The following GPC6 variants were observed in gnomAD, a reference collection of about 807,000 sequenced individuals.
GPC6 encodes glypican 6, also known as glypican-6.
In GPC6, 14 loss-of-function variants were observed where a neutral mutation model predicts 55.2. That is an observed-to-expected ratio of 0.25 (90% CI 0.17 to 0.40). The LOEUF is 0.40. GPC6 is among the 10% of genes least tolerant of loss of function. GPC6 has a pLI of 1.00. For synonymous variants in GPC6, 278 were observed against 259.6 expected (o/e 1.07, Z -0.68); for missense variants, 641 against 708.5 (o/e 0.90, Z 1.08).
chr13:93,944,348 C>T (rs1284969176), intron 3 of GPC6, among the ~76,000 whole-genome samples: 1 of 152,004 alleles, frequency 6.6e-6, no homozygotes, highest in Non-Finnish European at 1.5e-5. Flanking sequence ...GGACTACAGG[C>T]GCCCGCCACC....
intron 2 of GPC6, among the ~76,000 whole-genome samples, chr13:93,626,785 G>A (rs1460538878): frequency 6.7e-6 from 1 of 148,286 alleles, no homozygotes; most frequent in Admixed American, 6.7e-5. Flanking sequence ...CTGGGTGACA[G>A]AGTGAGACTG....
chr13:94,272,249 G>C (rs114732141), intron 4 of GPC6, among the ~76,000 whole-genome samples: 3 of 151,850 alleles, frequency 2.0e-5, no homozygotes, highest in South Asian at 4.2e-4. Context: ...GGAGAGGTTT[G>C]TGATTCATTC....
At chr13:93,623,736 G>T (rs1349339054) in intron 2 of GPC6, among the ~76,000 whole-genome samples, 1 of 152,076 alleles carries the variant, frequency 6.6e-6, no homozygotes, top group African/African-American at 2.4e-5. Flanking sequence ...GGGATTACAG[G>T]CTTGGGCCAC....
intron 2 of GPC6, among the ~76,000 whole-genome samples, chr13:93,682,869 G>T (rs3904301): frequency 0.95 from 139,896 of 146,604 alleles, 66,816 homozygotes; most frequent in African/African-American, 0.99. Context: ...AAAGGGAAAA[G>T]TAGCCAGGTG....
intron 3 of GPC6, among the ~76,000 whole-genome samples, chr13:93,839,891 G>C (rs539647157): frequency 1.3e-5 from 2 of 152,244 alleles, no homozygotes; most frequent in East Asian, 3.9e-4. Context: ...AAGGATTTTA[G>C]CATCTATATT....
intron 8 of GPC6, 45 bp downstream of exon 8, chr13:94,398,686 T>C (rs1881001930): frequency 6.4e-7 from 1 of 1,561,956 alleles, no homozygotes; most frequent in Non-Finnish European, 8.8e-7. Context: ...AAGTAAAAAA[T>C]GGTTTTAGAA....
intron 3 of GPC6, among the ~76,000 whole-genome samples, chr13:93,969,360 A>C (rs1472490170): frequency 2.0e-5 from 3 of 152,238 alleles, no homozygotes; most frequent in Non-Finnish European, 2.9e-5. Flanking sequence ...CCCTGGAAGT[A>C]GAGAAGGAAA....
At chr13:93,547,273 G>A (rs1349709679) in intron 2 of GPC6, among the ~76,000 whole-genome samples, 1 of 152,138 alleles carries the variant, frequency 6.6e-6, no homozygotes, top group African/African-American at 2.4e-5. Flanking sequence ...TTGAACCTGG[G>A]AGGTGGAGGT....
intron 4 of GPC6, among the ~76,000 whole-genome samples, chr13:94,266,218 G>C (rs1036775285): frequency 5.3e-5 from 8 of 151,480 alleles, no homozygotes; most frequent in Non-Finnish European, 4.4e-5. Context: ...GCCCAGGCTG[G>C]AGTGCAGTGG....
At chr13:93,647,675 C>A (rs1440926623) in intron 2 of GPC6, among the ~76,000 whole-genome samples, 3 of 152,154 alleles carry the variant, frequency 2.0e-5, no homozygotes, top group Non-Finnish European at 4.4e-5. Context: ...CGTGATTCTT[C>A]CATAACTGTC....
intron 1 of GPC6, among the ~76,000 whole-genome samples, chr13:93,527,049 T>G (rs550925982): frequency 4.0e-4 from 61 of 152,220 alleles, no homozygotes; most frequent in African/African-American, 1.4e-3. Context: ...TTTTAAGTTT[T>G]TTTTTTAAAA....
chr13:94,018,901 A>G (rs1329633001), intron 3 of GPC6, among the ~76,000 whole-genome samples: 1 of 152,198 alleles, frequency 6.6e-6, no homozygotes, highest in East Asian at 1.9e-4. Context: ...CTAATGCTTG[A>G]TGATCCGAGG....
chr13:93,416,269 C>T (rs187523092), intron 1 of GPC6, among the ~76,000 whole-genome samples: 2 of 152,164 alleles, frequency 1.3e-5, no homozygotes, highest in Admixed American at 1.3e-4. Flanking sequence ...ATGGCATTAT[C>T]CTACTATTGC....
intron 6 of GPC6, among the ~76,000 whole-genome samples, chr13:94,328,460 G>A (rs1877237509): frequency 2.6e-5 from 4 of 152,188 alleles, no homozygotes; most frequent in Admixed American, 2.0e-4. Flanking sequence ...AAAGCCACAC[G>A]AAGACTTCCT....
At chr13:93,984,239 T>C (rs1880926132) in intron 3 of GPC6, among the ~76,000 whole-genome samples, 1 of 152,072 alleles carries the variant, frequency 6.6e-6, no homozygotes, top group South Asian at 2.1e-4. Flanking sequence ...AGCTCCATAA[T>C]TAATGAGGAG....
At chr13:93,322,448 T>G (rs1879486030) in intron 1 of GPC6, among the ~76,000 whole-genome samples, 1 of 145,814 alleles carries the variant, frequency 6.9e-6, no homozygotes, top group Non-Finnish European at 1.5e-5. Flanking sequence ...TTTTTTTTTT[T>G]TTTTTGAGAT....
chr13:94,269,189 A>G (rs1431970451), intron 4 of GPC6, among the ~76,000 whole-genome samples: 1 of 152,182 alleles, frequency 6.6e-6, no homozygotes, highest in African/African-American at 2.4e-5. Flanking sequence ...TCGCTTTTGA[A>G]TCTGGATAAT....
chr13:94,393,721 T>C (rs569316814), intron 7 of GPC6, among the ~76,000 whole-genome samples: 1 of 152,212 alleles, frequency 6.6e-6, no homozygotes, highest in African/African-American at 2.4e-5. Context: ...ACCACCAGGC[T>C]AACCTTCCTT....
At chr13:93,667,977 C>A (rs1434865382) in intron 2 of GPC6, among the ~76,000 whole-genome samples, 1 of 152,136 alleles carries the variant, frequency 6.6e-6, no homozygotes, top group African/African-American at 2.4e-5. Context: ...GCATGATAGA[C>A]ACCGTGGGCT....
Sources: gnomAD v4.1 joint callset for allele counts (sites outside exome capture counted in the v4.1 genomes callset) on GRCh38, gnomAD v4.1.1 for gene constraint, MANE v1.5 for transcripts, NCBI Gene and HGNC (gene_info 2026-07-23, HGNC 2026-07-21) for gene names.